The following HDAC9 variants were observed in gnomAD, a reference collection of about 807,000 sequenced individuals.
HDAC9 encodes the protein MEF-2 interacting transcription repressor (MITR) protein.
HDAC9 carries 41 observed loss-of-function variants against 139.4 expected under a neutral mutation model. The observed-to-expected ratio is 0.29, with a 90% CI of 0.23 to 0.38. HDAC9 has a LOEUF of 0.38. HDAC9 is among the 10% of genes least tolerant of loss of function. The pLI is 1.00. For synonymous variants in HDAC9, 517 were observed against 476.2 expected (o/e 1.09, Z -1.12); for missense variants, 1,147 against 1,297.0 (o/e 0.88, Z 1.78).
At chr7:18,691,757 T>G (rs1782689072) in intron 12 of HDAC9, among the ~76,000 whole-genome samples, 1 of 152,108 alleles carries the variant, frequency 6.6e-6, no homozygotes, top group Non-Finnish European at 1.5e-5. Context: ...GTGTAATTTT[T>G]TTCCACAATA....
At chr7:18,642,701 A>C (rs1308645337) in intron 8 of HDAC9, among the ~76,000 whole-genome samples, 1 of 152,020 alleles carries the variant, frequency 6.6e-6, no homozygotes, top group African/African-American at 2.4e-5. Context: ...ACTGTCCCCA[A>C]ATCTCTTCAC....
chr7:18,942,697 A>T (rs1233505761), intron 23 of HDAC9, among the ~76,000 whole-genome samples: 1 of 152,062 alleles, frequency 6.6e-6, no homozygotes, highest in African/African-American at 2.4e-5. Context: ...TGACTTGTGA[A>T]AGCCAATTGT....
chr7:18,722,301 C>T (rs1785202943), intron 12 of HDAC9, among the ~76,000 whole-genome samples: 1 of 152,078 alleles, frequency 6.6e-6, no homozygotes, highest in South Asian at 2.1e-4. Flanking sequence ...ATAAAAAATG[C>T]TTTTGTGGAG....
At chr7:18,916,022 G>GGA (rs1491394538) in intron 22 of HDAC9, among the ~76,000 whole-genome samples, 2 of 138,122 alleles carry the variant, frequency 1.4e-5, no homozygotes, top group South Asian at 2.3e-4. Flanking sequence ...CCCCCCGCTG[G>GGA]AAAAAAAAAA....
In HDAC9 at chr7:18,210,154, T is replaced by C. The variant is rs183265270; in HGVS notation, c.25+47805T>C. 1.6e-3 allele frequency among the ~76,000 whole-genome samples: 238 copies of C among 152,310 alleles called. 1 individual carries two copies. The highest frequency in any genetic ancestry group is 5.4e-3 in the African/African-American group (226 of 41,548). On this transcript the variant is annotated intron_variant, in intron 2 of 12. Coordinates refer to the HDAC9 transcript ENST00000417496. Reference sequence around the variant, plus strand: ...ATTCTTTAAAATGTTGTCTTGTTCATTGGGCATTTATTGGGTACCTAGTAT... The same window carrying C: ...ATTCTTTAAAATGTTGTCTTGTTCACTGGGCATTTATTGGGTACCTAGTAT...
At chr7:18,415,424 A>G (rs185177192) in intron 1 of HDAC9, among the ~76,000 whole-genome samples, 1 of 152,248 alleles carries the variant, frequency 6.6e-6, no homozygotes, top group African/African-American at 2.4e-5. Flanking sequence ...ATCCATCAGG[A>G]ACCTCACAAC....
At chr7:18,563,775 G>C (rs1821370641) in intron 2 of HDAC9, among the ~76,000 whole-genome samples, 1 of 150,486 alleles carries the variant, frequency 6.6e-6, no homozygotes, top group Non-Finnish European at 1.5e-5. Context: ...TTAAGTTCTA[G>C]GGTACATGTG....
chr7:18,798,506 T>C (rs1793000085), intron 17 of HDAC9, among the ~76,000 whole-genome samples: 1 of 152,172 alleles, frequency 6.6e-6, no homozygotes, highest in Non-Finnish European at 1.5e-5. Context: ...CCTGCATTCT[T>C]AGCATAAACT....
chr7:18,819,275 A>C (rs1371244710), intron 17 of HDAC9, among the ~76,000 whole-genome samples: 1 of 152,184 alleles, frequency 6.6e-6, no homozygotes, highest in Non-Finnish European at 1.5e-5. Flanking sequence ...GCGAGACTCC[A>C]TCTAAAAATA....
At chr7:18,485,919 C>T (rs1322613882) in intron 1 of HDAC9, among the ~76,000 whole-genome samples, 1 of 152,050 alleles carries the variant, frequency 6.6e-6, no homozygotes, top group African/African-American at 2.4e-5. Flanking sequence ...TTGTCTTAGT[C>T]TGTTTTGTGT....
chr7:18,582,207 A>C (rs1352324593), intron 2 of HDAC9, among the ~76,000 whole-genome samples: 5 of 152,212 alleles, frequency 3.3e-5, no homozygotes, highest in Non-Finnish European at 7.3e-5. Flanking sequence ...CCCAAACTGG[A>C]ATCTGCAAAT....
At chr7:18,502,950 G>A (rs1397737436) in intron 2 of HDAC9, among the ~76,000 whole-genome samples, 1 of 152,068 alleles carries the variant, frequency 6.6e-6, no homozygotes, top group Admixed American at 6.6e-5. Context: ...ATGAAAGGAG[G>A]ATTATCTTAA....
chr7:18,655,555 A>C (rs1790849444), intron 11 of HDAC9, among the ~76,000 whole-genome samples: 1 of 152,178 alleles, frequency 6.6e-6, no homozygotes, highest in African/African-American at 2.4e-5. Context: ...TTCACTATAT[A>C]ATTACAAGTT....
intron 1 of HDAC9, among the ~76,000 whole-genome samples, chr7:18,102,044 C>T (rs1782890024): frequency 6.6e-6 from 1 of 152,128 alleles, no homozygotes; most frequent in African/African-American, 2.4e-5. Flanking sequence ...ATATGTCAAG[C>T]AATAGTGAAC....
intron 2 of HDAC9, among the ~76,000 whole-genome samples, chr7:18,207,096 GTTTGTTTTTGTT>G (rs955232176): frequency 3.4e-4 from 51 of 151,572 alleles, no homozygotes; most frequent in African/African-American, 1.2e-3. Flanking sequence ...TGTTTGTTTG[GTTTGTTTTTGTT>G]TTTGTTTTTG....
At chr7:18,285,903 G>A (rs975179562), upstream of HDAC9, among the ~76,000 whole-genome samples, 1 of 151,952 alleles carries the variant, frequency 6.6e-6, no homozygotes, top group African/African-American at 2.4e-5. Flanking sequence ...ACTAAATTTG[G>A]GATGCATCTC....
At chr7:18,536,585 G>A (rs181180496) in intron 2 of HDAC9, among the ~76,000 whole-genome samples, 9 of 152,274 alleles carry the variant, frequency 5.9e-5, no homozygotes, top group Admixed American at 5.2e-4. Flanking sequence ...ATATGTTTAA[G>A]AAGACTTCTA....
At chr7:18,272,294 C>A (rs1796401964) in intron 2 of HDAC9, among the ~76,000 whole-genome samples, 1 of 152,066 alleles carries the variant, frequency 6.6e-6, no homozygotes, top group Non-Finnish European at 1.5e-5. Flanking sequence ...TGTATTTAGA[C>A]CTTGTAAGTA....
At position 18,336,389 on chromosome 7, in the gene HDAC9, C is replaced by T. The variant is rs530617343; in HGVS notation, c.-42+45874C>T. ...CACTGACCCAAATGCAGTCCACATA[C>T]ATAAGCAGAGTTAAGCAAACAAGGC... On this transcript the variant is annotated intron_variant, in intron 1 of 3. Transcript: ENST00000413509. Among the ~76,000 whole-genome samples, 240 of 151,728 alleles carry T rather than the reference C, an allele frequency of 1.6e-3. 3 individuals carry two copies. The highest frequency in any genetic ancestry group is 5.6e-3 in the African/African-American group (233 of 41,482).
Sources: gnomAD v4.1 joint callset for allele counts (sites outside exome capture counted in the v4.1 genomes callset) on GRCh38, gnomAD v4.1.1 for gene constraint, MANE v1.5 for transcripts, NCBI Gene and HGNC (gene_info 2026-07-23, HGNC 2026-07-21) for gene names.